The following SERINC5 variants were observed in gnomAD, a reference collection of about 807,000 sequenced individuals.
SERINC5 encodes the protein serine incorporator 5, also known as chromosome 5 open reading frame 12.
In SERINC5, 41 loss-of-function variants were observed where a neutral mutation model predicts 63.1. The observed-to-expected ratio is 0.65, with a 90% CI of 0.51 to 0.84. SERINC5 has a LOEUF of 0.84. Among genes scored for constraint, SERINC5 ranks in the 40% least tolerant of loss-of-function variants. SERINC5 has a pLI of 0.00. For missense variants in SERINC5, 523 were observed against 573.0 expected, an observed-to-expected ratio of 0.91 and a Z score of 0.89; for synonymous variants, 222 against 215.2, an observed-to-expected ratio of 1.03 and a Z score of -0.28.
chr5:80,114,151 G>A (rs920598077), intron 11 of SERINC5, among the ~76,000 whole-genome samples: 7 of 151,772 alleles, frequency 4.6e-5, no homozygotes, highest in Admixed American at 6.6e-5. Flanking sequence ...AATGTTGGCC[G>A]TCTGTATTAG....
intron 2 of SERINC5, among the ~76,000 whole-genome samples, chr5:80,182,511 G>A (rs902789019): frequency 1.4e-5 from 2 of 146,880 alleles, no homozygotes; most frequent in South Asian, 2.2e-4. Context: ...CCTCTCTGTA[G>A]CTCAACATGC....
At chr5:80,209,503 A>G (rs746862477) in intron 1 of SERINC5, among the ~76,000 whole-genome samples, 19 of 152,318 alleles carry the variant, frequency 1.2e-4, no homozygotes, top group African/African-American at 3.8e-4. Flanking sequence ...CCACCCAGTC[A>G]GTGTGACTTT....
At chr5:80,181,068 C>T (rs749807508) in intron 2 of SERINC5, among the ~76,000 whole-genome samples, 10 of 152,244 alleles carry the variant, frequency 6.6e-5, no homozygotes, top group African/African-American at 9.6e-5. Flanking sequence ...TAATGCATAG[C>T]GCTTTGACAC....
chr5:80,210,941 G>T (rs1180409882), intron 1 of SERINC5, among the ~76,000 whole-genome samples: 1 of 152,188 alleles, frequency 6.6e-6, no homozygotes, highest in Non-Finnish European at 1.5e-5. Context: ...TCTTAAGGCT[G>T]AATGTCTCAG....
chr5:80,233,776 G>A (rs17260186), intron 1 of SERINC5, among the ~76,000 whole-genome samples: 72,272 of 146,858 alleles, frequency 0.49, 18,209 homozygotes, highest in African/African-American at 0.58. Flanking sequence ...AAGTTTACAG[G>A]AAGTATTTTA....
At position 80,169,431 on chromosome 5, in the gene SERINC5, T is replaced by C. The variant is rs373803345; in HGVS notation, c.667A>G (p.Lys223Glu). ...ATTTTGTTTTCCATGCAGCTGTCTT[T>C]CTGTGTATAAAACACTGCCATCAAA... ...LVLMAVFYTQ[K>E]DSCMENKILL... The change falls in exon 6 of 12, where the codon AAA (lysine) becomes GAA (glutamate). Residue 223 changes from lysine (K) to glutamate (E), a missense_variant. By Grantham distance (56) the Lys-to-Glu change is moderately conservative (BLOSUM62 1). Transcript: ENST00000507668. The C allele has an allele frequency of 3.1e-6, 5 of 1,613,896 alleles. No individual in the cohort carries two copies. The African/African-American group carries it at 5.3e-5, about 17-fold the overall frequency.
intron 1 of SERINC5, among the ~76,000 whole-genome samples, chr5:80,212,019 G>A (rs1561430388): frequency 6.6e-6 from 1 of 152,238 alleles, no homozygotes; most frequent in South Asian, 2.1e-4. Flanking sequence ...GCTCCTCAAC[G>A]GGGCTGGACA....
chr5:80,176,921 G>A (rs1748071522), intron 4 of SERINC5, among the ~76,000 whole-genome samples: 1 of 152,200 alleles, frequency 6.6e-6, no homozygotes, highest in African/African-American at 2.4e-5. Context: ...ATAATTCAAT[G>A]CTACAGAGCT....
intron 9 of SERINC5, among the ~76,000 whole-genome samples, chr5:80,149,269 G>A (rs1049349404): frequency 6.6e-6 from 1 of 152,164 alleles, no homozygotes; most frequent in Non-Finnish European, 1.5e-5. Context: ...CTAGTCAATG[G>A]TGAGAATAAA....
At chr5:80,136,316 A>T (rs1200821077), downstream of SERINC5, among the ~76,000 whole-genome samples, 3 of 152,172 alleles carry the variant, frequency 2.0e-5, no homozygotes, top group African/African-American at 7.2e-5. Context: ...ATTCTCATAT[A>T]TCAGGACAGG....
chr5:80,188,011 G>A (rs1348454185), intron 2 of SERINC5, among the ~76,000 whole-genome samples: 9 of 152,142 alleles, frequency 5.9e-5, no homozygotes, highest in African/African-American at 1.7e-4. Flanking sequence ...AAGGCTGGGT[G>A]CGGTGGCTCA....
chr5:80,143,945 A>G (rs374139186), intron 11 of SERINC5, 135 bp from the exon 12 acceptor site: 1 of 1,045,650 alleles, frequency 9.6e-7, no homozygotes. Context: ...TACCATCAAC[A>G]CTACCCATTT....
At chr5:80,239,226 T>C (rs1423984508) in intron 1 of SERINC5, among the ~76,000 whole-genome samples, 2 of 152,182 alleles carry the variant, frequency 1.3e-5, no homozygotes, top group African/African-American at 4.8e-5. Context: ...GCAACGGGCA[T>C]TACGCCCATC....
chr5:80,225,321 G>A (rs1422998081), intron 1 of SERINC5, among the ~76,000 whole-genome samples: 1 of 152,162 alleles, frequency 6.6e-6, no homozygotes, highest in Non-Finnish European at 1.5e-5. Flanking sequence ...AAATAACACA[G>A]ACAAACCTAT....
intron 1 of SERINC5, among the ~76,000 whole-genome samples, chr5:80,235,702 T>A (rs1056327410): frequency 6.6e-6 from 1 of 152,228 alleles, no homozygotes; most frequent in South Asian, 2.1e-4. Flanking sequence ...GTTCAAGCAA[T>A]TCTCGTGCCT....
At chr5:80,137,154 A>AC (rs1554058501), downstream of SERINC5, among the ~76,000 whole-genome samples, 3 of 115,344 alleles carry the variant, frequency 2.6e-5, no homozygotes, top group Non-Finnish European at 6.0e-5. Context: ...AAAAAAAAAA[A>AC]AAAAAAAAAC....
intron 1 of SERINC5, among the ~76,000 whole-genome samples, chr5:80,209,210 G>A (rs1750319463): frequency 6.6e-6 from 1 of 152,212 alleles, no homozygotes; most frequent in Admixed American, 6.5e-5. Flanking sequence ...GGCAGAGGTT[G>A]CAGTGAGCCG....
chr5:80,132,669 T>C (rs1383044119), intron 11 of SERINC5, among the ~76,000 whole-genome samples: 5 of 152,182 alleles, frequency 3.3e-5, no homozygotes, highest in Non-Finnish European at 7.3e-5. Flanking sequence ...CTCATTATGT[T>C]GCTCAGGCTG....
At chr5:80,239,094 A>G (rs943788480) in intron 1 of SERINC5, among the ~76,000 whole-genome samples, 1 of 152,212 alleles carries the variant, frequency 6.6e-6, no homozygotes, top group African/African-American at 2.4e-5. Context: ...AAAACTTATT[A>G]GGTGGATATG....
Sources: allele counts gnomAD v4.1 joint callset (sites outside exome capture counted in the v4.1 genomes callset), GRCh38; gene constraint gnomAD v4.1.1; transcripts MANE v1.5; gene names NCBI Gene and HGNC (gene_info 2026-07-23, HGNC 2026-07-21).